PTPRQ: variants seen among roughly 807,000 people sequenced by gnomAD.
PTPRQ encodes phosphatidylinositol phosphatase PTPRQ.
Under a neutral mutation model 246.0 loss-of-function variants are expected in PTPRQ, and 199 were observed. The observed-to-expected ratio is 0.81, with a 90% CI of 0.72 to 0.91. PTPRQ has a LOEUF of 0.91. Among genes scored for constraint, PTPRQ ranks in the 40% least tolerant of loss-of-function variants. PTPRQ has a pLI of 0.00. For missense variants in PTPRQ, 2,624 were observed against 2,528.4 expected (o/e 1.04, Z -0.81); for synonymous variants, 869 against 853.2 (o/e 1.02, Z -0.32).
Position 80,598,226 on chromosome 12 carries a change from G to A in PTPRQ, c.4610-6833G>A, listed in dbSNP as rs148828227. ...TATACCCTCTGCAGCACCACCTTGC[G>A]GTTAGGAAATCTAATTAGAAAACAC... On this transcript the variant is annotated intron_variant, in intron 26 of 44. Transcript: ENST00000644991. 1.5e-3 allele frequency among the ~76,000 whole-genome samples: 228 copies of A among 151,904 alleles called. 1 individual carries two copies. The highest frequency in any genetic ancestry group is 2.8e-3 in the Non-Finnish European group (191 of 67,912).
At chr12:80,537,552 A>G (rs1395872164) in intron 19 of PTPRQ, among the ~76,000 whole-genome samples, 1 of 152,222 alleles carries the variant, frequency 6.6e-6, no homozygotes, top group African/African-American at 2.4e-5. Context: ...ATTTTAATTG[A>G]AAGATTTAAA....
intron 17 of PTPRQ, among the ~76,000 whole-genome samples, chr12:80,528,319 A>C (rs977809781): frequency 7.2e-5 from 11 of 152,154 alleles, no homozygotes; most frequent in Non-Finnish European, 1.3e-4. Flanking sequence ...TTGGAGCCCT[A>C]ATGGGATGAT....
rs1435391017 is a variant in PTPRQ at position 80,629,374 on chromosome 12, A to G, written c.5687-2818A>G. Among the ~76,000 whole-genome samples, 3 of 152,180 alleles carry G rather than the reference A, an allele frequency of 2.0e-5. No homozygotes were observed. The East Asian group carries it at 5.8e-4, about 29-fold the overall frequency. ...GAAACACATGTATTCAGCCCATAAT[A>G]TATGATCATTGAGAAGGTATTTCAG... On this transcript the variant is annotated intron_variant, in intron 33 of 44. Transcript: ENST00000644991.
intron 17 of PTPRQ, among the ~76,000 whole-genome samples, chr12:80,524,433 A>T (rs571347904): frequency 6.6e-6 from 1 of 152,288 alleles, no homozygotes; most frequent in Non-Finnish European, 1.5e-5. Context: ...CTGTGAGTCC[A>T]TTAAACTTCT....
intron 19 of PTPRQ, among the ~76,000 whole-genome samples, chr12:80,536,295 C>G (rs1173816495): frequency 6.6e-6 from 1 of 152,172 alleles, no homozygotes; most frequent in East Asian, 1.9e-4. Flanking sequence ...TTGTGACTGA[C>G]AGCCCAAGTT....
At chr12:80,563,634 CT>C (rs1371743122) in intron 25 of PTPRQ, among the ~76,000 whole-genome samples, 2 of 152,196 alleles carry the variant, frequency 1.3e-5, no homozygotes, top group Admixed American at 6.5e-5. Flanking sequence ...CCAACTTGGG[CT>C]TTGTTATACC....
At chr12:80,530,818 A>G (rs1392555920) in intron 17 of PTPRQ, among the ~76,000 whole-genome samples, 1 of 152,092 alleles carries the variant, frequency 6.6e-6, no homozygotes, top group Non-Finnish European at 1.5e-5. Flanking sequence ...TATAACTTAA[A>G]ATTTGATACA....
At chr12:80,605,468 A>C (rs1262029995) in intron 27 of PTPRQ, among the ~76,000 whole-genome samples, 1 of 151,278 alleles carries the variant, frequency 6.6e-6, no homozygotes, top group Non-Finnish European at 1.5e-5. Flanking sequence ...TTATCAGTGT[A>C]TAGAATGTGT....
chr12:80,623,299 G>T (rs768050182), intron 33 of PTPRQ, among the ~76,000 whole-genome samples: 1 of 152,190 alleles, frequency 6.6e-6, no homozygotes, highest in African/African-American at 2.4e-5. Flanking sequence ...TGAAGAAATA[G>T]AGGGGGCATG....
chr12:80,621,513 C>G (rs1298015854), intron 32 of PTPRQ, among the ~76,000 whole-genome samples: 1 of 151,800 alleles, frequency 6.6e-6, no homozygotes, highest in Non-Finnish European at 1.5e-5. Context: ...AATTTTTAAG[C>G]TTGATCTTCT....
Position 80,496,498 on chromosome 12 carries a change from T to G in PTPRQ, c.2239T>G (p.Ser747Ala), listed in dbSNP as rs768630187. 6.5e-7 allele frequency: 1 copy of G among 1,549,350 alleles called. No individual in the cohort carries two copies. The highest frequency in any genetic ancestry group is 8.7e-7 in the Non-Finnish European group (1 of 1,146,132). Residue 747 changes from serine to alanine, a missense_variant, in exon 14 of 45, where the codon TCT becomes GCT. Ser to Ala is a moderately conservative substitution (Grantham distance 99, BLOSUM62 1). Transcript: ENST00000644991. ...YTRFGHGNQVSSLLSVRTSET... is the reference protein window; with the variant it reads ...YTRFGHGNQVASLLSVRTSET... ...CAGATTTGGTCATGGCAATCAGGTA[T>G]CTTCTTTACTCTCTGTAAGGACTTC...
Position 80,541,852 on chromosome 12 carries a change from T to A in PTPRQ, c.3445+7T>A. ...ATCAAGACTGAAGAAGATGGTAGGCTAGACCCTTTTATTGTCTGTTAAGCA... is the reference window on the plus strand; with the variant it reads ...ATCAAGACTGAAGAAGATGGTAGGCAAGACCCTTTTATTGTCTGTTAAGCA... On this transcript the variant is annotated splice_region_variant and intron_variant, in intron 21 of 44. Coordinates refer to ENST00000644991, the MANE Select transcript of PTPRQ (RefSeq NM_001145026.2). 9 of 1,523,532 alleles carry A rather than the reference T, an allele frequency of 5.9e-6. No individual in the cohort carries two copies. Among genetic ancestry groups the A allele is most frequent in the Non-Finnish European group, 7.9e-6 (9 of 1,137,070 alleles). The allele number at this position is 1,523,532 out of a possible 1,614,324, so 94.4% of individuals were successfully genotyped here. A position where few individuals can be genotyped will look rare whatever the true frequency, so the allele number is the denominator to read the frequency against.
At chr12:80,474,414 T>C (rs1196854401) in intron 8 of PTPRQ, among the ~76,000 whole-genome samples, 1 of 152,212 alleles carries the variant, frequency 6.6e-6, no homozygotes, top group Non-Finnish European at 1.5e-5. Context: ...AGAAAAATGT[T>C]GCATTGACCT....
At chr12:80,617,885 C>T (rs564777620) in intron 30 of PTPRQ, among the ~76,000 whole-genome samples, 17 of 151,454 alleles carry the variant, frequency 1.1e-4, no homozygotes, top group Non-Finnish European at 2.5e-4. Flanking sequence ...TTCCTGGGGA[C>T]TCCCAAGTGG....
intron 35 of PTPRQ, among the ~76,000 whole-genome samples, chr12:80,638,383 T>TAG (rs1253485471): frequency 6.6e-6 from 1 of 152,118 alleles, no homozygotes; most frequent in Non-Finnish European, 1.5e-5. Context: ...GCTCATAACT[T>TAG]TTCTGAGTCC....
intron 25 of PTPRQ, among the ~76,000 whole-genome samples, chr12:80,565,176 A>G (rs1299600310): frequency 1.3e-5 from 2 of 152,152 alleles, no homozygotes; most frequent in African/African-American, 2.4e-5. Flanking sequence ...TTTTGAAATT[A>G]TCTTAGGTAT....
intron 6 of PTPRQ, among the ~76,000 whole-genome samples, chr12:80,462,956 G>A (rs1030029926): frequency 2.0e-5 from 3 of 152,058 alleles, no homozygotes; most frequent in Non-Finnish European, 4.4e-5. Context: ...AAAAAGCAGA[G>A]CACCTCTCCT....
intron 26 of PTPRQ, among the ~76,000 whole-genome samples, chr12:80,604,719 G>C (rs911079425): frequency 1.3e-5 from 2 of 151,384 alleles, no homozygotes; most frequent in African/African-American, 4.8e-5. Context: ...AAACAGCATT[G>C]CTAGGTTAAC....
At chr12:80,621,258 T>C (rs999050516) in intron 32 of PTPRQ, among the ~76,000 whole-genome samples, 1 of 151,924 alleles carries the variant, frequency 6.6e-6, no homozygotes, top group Non-Finnish European at 1.5e-5. Flanking sequence ...TATACACATA[T>C]GATAGTTATA....
Sources: gnomAD v4.1 joint callset for allele counts (sites outside exome capture counted in the v4.1 genomes callset) on GRCh38, gnomAD v4.1.1 for gene constraint, MANE v1.5 for transcripts, NCBI Gene and HGNC (gene_info 2026-07-23, HGNC 2026-07-21) for gene names.